The following STK32B variants were observed in gnomAD, a reference collection of about 807,000 sequenced individuals.
The protein encoded by STK32B is serine/threonine-protein kinase 32B.
In STK32B, 43 loss-of-function variants were observed where a neutral mutation model predicts 52.6. The observed-to-expected ratio is 0.82, with a 90% CI of 0.64 to 1.05. The LOEUF (loss-of-function observed/expected upper bound fraction) is 1.05. STK32B is among the 50% of genes least tolerant of loss of function. The pLI is 0.00. For missense variants in STK32B, 621 were observed against 534.6 expected (o/e 1.16, Z -1.59); for synonymous variants, 238 against 204.3 (o/e 1.17, Z -1.41).
intron 3 of STK32B, among the ~76,000 whole-genome samples, chr4:5,315,686 T>TC (rs1553870169): frequency 7.7e-6 from 1 of 129,250 alleles, no homozygotes; most frequent in Non-Finnish European, 1.7e-5. Flanking sequence ...CTTTTTCTTT[T>TC]TTTTTTTTTT....
At chr4:5,191,985 A>G (rs772613083) in intron 3 of STK32B, among the ~76,000 whole-genome samples, 11 of 152,204 alleles carry the variant, frequency 7.2e-5, no homozygotes, top group Admixed American at 2.0e-4. Context: ...CTGTCCAACC[A>G]GAGGCTGCAC....
chr4:5,459,289 C>G (rs1560432807), intron 8 of STK32B, among the ~76,000 whole-genome samples: 1 of 149,670 alleles, frequency 6.7e-6, no homozygotes, highest in Non-Finnish European at 1.5e-5. Context: ...TGTGCCCCCC[C>G]CCCCCACCTT....
chr4:5,477,474 T>C (rs1402956425), intron 11 of STK32B, among the ~76,000 whole-genome samples: 3 of 151,850 alleles, frequency 2.0e-5, no homozygotes, highest in African/African-American at 7.3e-5. Flanking sequence ...TGGCTCAGAG[T>C]CCATTATTCA....
chr4:5,418,561 C>A (rs1712354019), intron 6 of STK32B, among the ~76,000 whole-genome samples: 1 of 152,166 alleles, frequency 6.6e-6, no homozygotes, highest in Admixed American at 6.5e-5. Context: ...AAGAAGGAGG[C>A]CTTAGGAAGC....
intron 4 of STK32B, among the ~76,000 whole-genome samples, chr4:5,337,433 C>T (rs1732783489): frequency 6.6e-6 from 1 of 151,962 alleles, no homozygotes; most frequent in Non-Finnish European, 1.5e-5. Flanking sequence ...GAGATGGACT[C>T]CAAAATGAAT....
chr4:5,052,401 C>T (rs1265859221), intron 1 of STK32B, among the ~76,000 whole-genome samples: 1 of 152,106 alleles, frequency 6.6e-6, no homozygotes, highest in Non-Finnish European at 1.5e-5. Context: ...TCCTCAATCA[C>T]CCAGGACAGA....
rs1466617912 is a variant in STK32B at position 5,316,408 on chromosome 4, TATA to T, written c.261-14808_261-14806del. Among the ~76,000 whole-genome samples the T allele has an allele frequency of 6.9e-5, 2 of 28,804 alleles. 1 individual carries two copies. Among genetic ancestry groups the T allele is most frequent in the Non-Finnish European group, 9.1e-5 (2 of 22,048 alleles). 18.9% of individuals were successfully genotyped at this position (28,804 alleles called of 152,430 possible). A position where few individuals can be genotyped will look rare whatever the true frequency, so the allele number is the denominator to read the frequency against. ...TATATAATATATTACATATATAATA[TATA>T]ATATATATTACATATATAATATATA... is the stretch of plus-strand genomic sequence containing the variant. On this transcript the variant is annotated intron_variant, in intron 3 of 11. Transcript: ENST00000282908.
chr4:5,399,612 C>G lies in STK32B; in HGVS notation c.472+1368C>G, dbSNP rs1054185326. ...TGGAAAGGAAGCGAAAGCAACGTCTCCAGTTTGTATCTAAAAGTCAGGATC... is the reference window on the plus strand; with the variant it reads ...TGGAAAGGAAGCGAAAGCAACGTCTGCAGTTTGTATCTAAAAGTCAGGATC... On this transcript the variant is annotated intron_variant, in intron 5 of 11. Transcript: ENST00000282908. The surrounding 1 kb of genome is among the most constrained non-coding windows in gnomAD (Gnocchi z 5.4). 6.6e-6 allele frequency among the ~76,000 whole-genome samples: 1 copy of G among 152,132 alleles called. No homozygotes were observed. Among genetic ancestry groups the G allele is most frequent in the African/African-American group, 2.4e-5 (1 of 41,430 alleles).
rs538361112 is a variant in STK32B at position 5,156,696 on chromosome 4, A to G, written c.109-11603A>G. Reference sequence around the variant, plus strand: ...CTCTGCTTGAAGAGCTGCAGGGTCAAAGTGAAGTAAACGTGGAGTTAATTA... The same window carrying G: ...CTCTGCTTGAAGAGCTGCAGGGTCAGAGTGAAGTAAACGTGGAGTTAATTA... On this transcript the variant is annotated intron_variant, in intron 2 of 11. Coordinates refer to ENST00000282908, the MANE Select transcript of STK32B (RefSeq NM_018401.3). Among the ~76,000 whole-genome samples, 77 of 152,304 alleles carry G rather than the reference A, an allele frequency of 5.1e-4. 1 individual carries two copies. The highest frequency in any genetic ancestry group is 9.4e-4 in the Non-Finnish European group (64 of 68,022).
intron 3 of STK32B, among the ~76,000 whole-genome samples, chr4:5,237,847 A>G (rs1203856264): frequency 6.6e-6 from 1 of 152,196 alleles, no homozygotes; most frequent in Non-Finnish European, 1.5e-5. Context: ...TTTCTGGTGA[A>G]GGACCTAGGA....
rs375468644 is a variant in STK32B at position 5,465,022 on chromosome 4, C to A, written c.910-1681C>A. ...AGTTCCAGGAGTTGGTGATGATGGA[C>A]AAAGCCCAGTGCCAGGCAGGGGAAG... is the stretch of plus-strand genomic sequence containing the variant. On this transcript the variant is annotated intron_variant, in intron 9 of 11. Coordinates refer to ENST00000282908, the MANE Select transcript of STK32B (RefSeq NM_018401.3). 2.6e-5 allele frequency among the ~76,000 whole-genome samples: 4 copies of A among 152,066 alleles called. No individual in the cohort carries two copies. The East Asian group carries it at 7.7e-4, about 29-fold the overall frequency.
At chr4:5,212,376 A>G (rs959568613) in intron 3 of STK32B, among the ~76,000 whole-genome samples, 14 of 152,088 alleles carry the variant, frequency 9.2e-5, no homozygotes, top group South Asian at 4.1e-4. Context: ...AAAACAAGCA[A>G]TTTTTCCCTA....
chr4:5,365,237 C>T (rs1458363892), intron 4 of STK32B, among the ~76,000 whole-genome samples: 1 of 152,148 alleles, frequency 6.6e-6, no homozygotes, highest in Admixed American at 6.5e-5. Context: ...AATTACTTCC[C>T]CTTCTATGTT....
At chr4:5,172,130 A>C (rs1378452486) in intron 3 of STK32B, among the ~76,000 whole-genome samples, 2 of 151,952 alleles carry the variant, frequency 1.3e-5, no homozygotes, top group African/African-American at 4.8e-5. Flanking sequence ...GGTGTATAAG[A>C]ATGCTTGTGA....
intron 6 of STK32B, 76 bp from the exon 7 acceptor site, chr4:5,446,596 TC>T: frequency 8.7e-7 from 1 of 1,144,738 alleles, no homozygotes; most frequent in South Asian, 1.3e-5. Flanking sequence ...TCAATTTCTC[TC>T]CTTGTCCCCT....
chr4:5,159,686 AATAT>A (rs375660139), intron 2 of STK32B, among the ~76,000 whole-genome samples: 2 of 59,180 alleles, frequency 3.4e-5, no homozygotes, highest in African/African-American at 1.3e-4. Context: ...TATATATATG[AATAT>A]ATATGAATAT....
At chr4:5,335,699 A>C (rs557718903) in intron 4 of STK32B, among the ~76,000 whole-genome samples, 8 of 152,182 alleles carry the variant, frequency 5.3e-5, no homozygotes, top group African/African-American at 1.4e-4. Flanking sequence ...CGTTGGTTTC[A>C]AAGAACATCT....
At chr4:5,239,808 C>T (rs1724887797) in intron 3 of STK32B, among the ~76,000 whole-genome samples, 1 of 151,864 alleles carries the variant, frequency 6.6e-6, no homozygotes, top group African/African-American at 2.4e-5. Flanking sequence ...AATCTGGTCC[C>T]TGGTCTCCAA....
At chr4:5,169,714 C>A (rs1426772274) in intron 3 of STK32B, among the ~76,000 whole-genome samples, 1 of 151,722 alleles carries the variant, frequency 6.6e-6, no homozygotes, top group African/African-American at 2.4e-5. Flanking sequence ...GAGAAATAAA[C>A]CCCGTCATGT....
Sources: gnomAD v4.1 joint callset for allele counts (sites outside exome capture counted in the v4.1 genomes callset) on GRCh38, gnomAD v4.1.1 for gene constraint, Gnocchi (gnomAD v3.1) non-coding constraint, MANE v1.5 for transcripts, NCBI Gene and HGNC (gene_info 2026-07-23, HGNC 2026-07-21) for gene names.